DPY19L4: variants seen among roughly 807,000 people sequenced by gnomAD.
DPY19L4 encodes the protein dpy-19 like 4.
DPY19L4 carries 97 observed loss-of-function variants against 102.8 expected under a neutral mutation model. The observed-to-expected ratio is 0.94, with a 90% confidence interval of 0.80 to 1.12. The LOEUF (loss-of-function observed/expected upper bound fraction) is 1.12. Ranked by LOEUF, DPY19L4 falls within the 50% of genes most tolerant of loss-of-function variation. DPY19L4 has a pLI of 0.00. For missense variants in DPY19L4, 815 were observed against 850.4 expected (o/e 0.96, Z 0.52); for synonymous variants, 252 against 283.1 (o/e 0.89, Z 1.10).
At chr8:94,744,911 C>T (rs979294767) in intron 6 of DPY19L4, 18 of 213,538 alleles carry the variant, frequency 8.4e-5, no homozygotes, top group African/African-American at 3.2e-4. Flanking sequence ...TTAAAAAATG[C>T]GTTTGTTTGC....
At chr8:94,755,964 A>G (rs1423782303) in intron 6 of DPY19L4, 72 bp from the exon 7 acceptor site, 4 of 1,444,636 alleles carry the variant, frequency 2.8e-6, no homozygotes, top group Non-Finnish European at 3.8e-6. Flanking sequence ...TTTGTGTTAA[A>G]GTACTTTGAA....
At chr8:94,762,105 T>C (rs1160255654) in intron 8 of DPY19L4, among the ~76,000 whole-genome samples, 1 of 152,184 alleles carries the variant, frequency 6.6e-6, no homozygotes, top group Non-Finnish European at 1.5e-5. Flanking sequence ...AAGATGAAAT[T>C]ATTAAAATGT....
chr8:94,755,946 C>A, intron 6 of DPY19L4, 90 bp from the exon 7 acceptor site: 1 of 1,333,204 alleles, frequency 7.5e-7, no homozygotes, highest in Non-Finnish European at 1.0e-6. Context: ...TTATGGAGAA[C>A]AATGAGATTT....
At chr8:94,775,133 T>C (rs1420406697) in intron 13 of DPY19L4, among the ~76,000 whole-genome samples, 3 of 152,080 alleles carry the variant, frequency 2.0e-5, no homozygotes, top group African/African-American at 7.2e-5. Context: ...TTTTTGTGTG[T>C]GCCAAAACCA....
At chr8:94,789,373 T>A (rs1463929727) in intron 18 of DPY19L4, among the ~76,000 whole-genome samples, 1 of 152,182 alleles carries the variant, frequency 6.6e-6, no homozygotes, top group Non-Finnish European at 1.5e-5. Context: ...ACTAAATAAT[T>A]CTACACGAGA....
At position 94,790,208 on chromosome 8, in the gene DPY19L4, A is replaced by G. The variant is rs1813835284; in HGVS notation, c.*298A>G. 5.3e-6 allele frequency: 1 copy of G among 188,870 alleles called. No individual in the cohort carries two copies. Among genetic ancestry groups the G allele is most frequent in the Non-Finnish European group, 1.1e-5 (1 of 92,796 alleles). 11.7% of individuals were successfully genotyped at this position (188,870 alleles called of 1,614,324 possible). A position where few individuals can be genotyped will look rare whatever the true frequency, so the allele number is the denominator to read the frequency against. ...ATTTTCCCCATAAAATCTTCATTCT[A>G]TTATAATATTGATCTTGAATTTGAA... On this transcript the variant is annotated 3_prime_UTR_variant, in exon 19 of 19. Transcript: ENST00000414645.
At position 94,777,802 on chromosome 8, in the gene DPY19L4, G is replaced by A. The variant is rs753857619; in HGVS notation, c.1575+16G>A. 1.3e-6 allele frequency: 2 copies of A among 1,597,476 alleles called. No individual in the cohort carries two copies. Among genetic ancestry groups the A allele is most frequent in the East Asian group, 4.5e-5 (2 of 44,556 alleles). ...AATATTGTTGGTGAGTCATTATTTT[G>A]CATTGTTTCTCTTCTAATTATATAA... On this transcript the variant is annotated intron_variant, in intron 14 of 18. Transcript: ENST00000414645.
At position 94,766,702 on chromosome 8, in the gene DPY19L4, G is replaced by A. The variant is rs1812688062; in HGVS notation, c.1175+17G>A. ...TATGACCAAGTAAGTTTTAGATTATGTAAGTTTACCTAAATCGATACCACT... is the reference window on the plus strand; with the variant it reads ...TATGACCAAGTAAGTTTTAGATTATATAAGTTTACCTAAATCGATACCACT... On this transcript the variant is annotated intron_variant, in intron 11 of 18. Transcript: ENST00000414645. 1.9e-6 allele frequency: 3 copies of A among 1,597,924 alleles called. No homozygotes were observed. Among genetic ancestry groups the A allele is most frequent in the African/African-American group, 2.7e-5 (2 of 74,584 alleles).
At chr8:94,748,179 G>A (rs1811763854) in intron 6 of DPY19L4, among the ~76,000 whole-genome samples, 1 of 152,184 alleles carries the variant, frequency 6.6e-6, no homozygotes, top group Non-Finnish European at 1.5e-5. Flanking sequence ...ACTTGTGGGT[G>A]CAGGGAATGG....
At chr8:94,761,543 A>G (rs1330796014) in intron 7 of DPY19L4, among the ~76,000 whole-genome samples, 157 bp from the exon 8 acceptor site, 1 of 152,174 alleles carries the variant, frequency 6.6e-6, no homozygotes, top group East Asian at 1.9e-4. Flanking sequence ...TTTTGTAAGG[A>G]TTTAATAATA....
Position 94,786,833 on chromosome 8 carries a change from A to G in DPY19L4, c.1849-1061A>G, listed in dbSNP as rs147410168. Among the ~76,000 whole-genome samples the G allele has an allele frequency of 3.8e-3, 574 of 152,232 alleles. 4 individuals are homozygous for G. The highest frequency in any genetic ancestry group is 0.013 in the African/African-American group (555 of 41,542). ...AAAGTGCTGGGATTACAGGCGTGAG[A>G]CACTGCGCCTGGCCAACCATATCAT... On this transcript the variant is annotated intron_variant, in intron 17 of 18. Coordinates refer to ENST00000414645, the MANE Select transcript of DPY19L4 (RefSeq NM_181787.3).
At chr8:94,773,916 TC>T (rs1249561048) in intron 13 of DPY19L4, among the ~76,000 whole-genome samples, 1 of 146,032 alleles carries the variant, frequency 6.8e-6, no homozygotes, top group African/African-American at 2.6e-5. Flanking sequence ...GCGTCTGTGG[TC>T]CCAGCCACTA....
chr8:94,790,166 CT>C lies in DPY19L4; in HGVS notation c.*260del, dbSNP rs1206794902. The C allele has an allele frequency of 3.8e-6, 1 of 265,722 alleles. No individual in the cohort carries two copies. The highest frequency in any genetic ancestry group is 7.0e-6 in the Non-Finnish European group (1 of 143,020). The allele number at this position is 265,722 out of a possible 1,614,324, so 16.5% of individuals were successfully genotyped here. On this transcript the variant is annotated 3_prime_UTR_variant, in exon 19 of 19. Coordinates refer to ENST00000414645, the MANE Select transcript of DPY19L4 (RefSeq NM_181787.3). Reference sequence around the variant, plus strand: ...CCTTACCGTTACATGGTCTTTAACACTTTTACTGATTGCAATATTTTCCCCA... The same window carrying C: ...CCTTACCGTTACATGGTCTTTAACACTTTACTGATTGCAATATTTTCCCCA...
At chr8:94,744,596 G>A in intron 6 of DPY19L4, 1 of 455,240 alleles carries the variant, frequency 2.2e-6, no homozygotes, top group Non-Finnish European at 4.4e-6. Context: ...AATTAACTTT[G>A]CTATTAATTT....
chr8:94,726,608 A>T (rs1219632583), intron 2 of DPY19L4, among the ~76,000 whole-genome samples, 167 bp downstream of exon 2: 1 of 152,138 alleles, frequency 6.6e-6, no homozygotes, highest in Non-Finnish European at 1.5e-5. Context: ...ACAAACATTT[A>T]TTTCTAATTA....
chr8:94,759,760 C>T (rs1586374488), intron 7 of DPY19L4, among the ~76,000 whole-genome samples: 1 of 150,670 alleles, frequency 6.6e-6, no homozygotes, highest in Middle Eastern at 3.4e-3. Flanking sequence ...GCTTCAGCCT[C>T]CCAAAGTACT....
intron 6 of DPY19L4, among the ~76,000 whole-genome samples, chr8:94,748,668 T>C (rs568337704): frequency 6.6e-6 from 1 of 152,200 alleles, no homozygotes; most frequent in East Asian, 1.9e-4. Flanking sequence ...ACTGCAGATT[T>C]ATCTGTATTT....
chr8:94,748,164 A>G (rs972091411), intron 6 of DPY19L4, among the ~76,000 whole-genome samples: 1 of 152,142 alleles, frequency 6.6e-6, no homozygotes, highest in Admixed American at 6.6e-5. Context: ...CTTGTCCAGG[A>G]TGTCACTTGT....
chr8:94,758,853 G>A (rs1812278320), intron 7 of DPY19L4, among the ~76,000 whole-genome samples: 3 of 151,934 alleles, frequency 2.0e-5, no homozygotes, highest in African/African-American at 4.8e-5. Flanking sequence ...CCATGTATCG[G>A]CCTCCCTAGC....
Sources: allele counts gnomAD v4.1 joint callset (sites outside exome capture counted in the v4.1 genomes callset), GRCh38; gene constraint gnomAD v4.1.1; transcripts MANE v1.5; gene names NCBI Gene and HGNC (gene_info 2026-07-23, HGNC 2026-07-21).